GPAT2: variants seen among roughly 807,000 people sequenced by gnomAD.
GPAT2 encodes the protein glycerol-3-phosphate acyltransferase 2, mitochondrial, also known as 1-acylglycerol-3-phosphate O-acyltransferase GPAT2.
In GPAT2, 51 loss-of-function variants were observed where a neutral mutation model predicts 71.0. The ratio of observed to expected loss-of-function variants is 0.72; its 90% confidence interval spans 0.57 to 0.91. The LOEUF (loss-of-function observed/expected upper bound fraction) is 0.91, where lower values mean the gene tolerates loss of function less well. Ranked by LOEUF, GPAT2 falls within the 40% of genes least tolerant of loss-of-function variation. The probability of loss-of-function intolerance (pLI) is 0.00; values close to 1 mark genes in which losing one functional copy is unlikely to be tolerated. For synonymous variants in GPAT2, 222 were observed against 290.3 expected, an observed-to-expected ratio of 0.76 and a Z score of 2.39; for missense variants, 511 against 666.0, an observed-to-expected ratio of 0.77 and a Z score of 2.56.
Position 96,022,212 on chromosome 2 carries a change from G to C in GPAT2, c.2353C>G (p.Leu785Val), listed in dbSNP as rs748371559. 1.1e-5 allele frequency: 18 copies of C among 1,611,082 alleles called. No homozygotes were observed. The South Asian group carries it at 2.0e-4, about 18-fold the overall frequency. The change falls in exon 22 of 22, where the codon CTG becomes GTG. Residue 785 changes from leucine to valine, a missense_variant. Transcript: ENST00000434632. The part of the protein sequence containing the change: ...RLHLSPTFAS[L>V]DNQEKLEQFI... The stretch of plus-strand genomic sequence containing the variant: ...TGTTCTAGTTTTTCCTGATTGTCCA[G>C]GCTGGCAAAAGTAGGGGACAGGTGG...
In GPAT2 at chr2:96,023,291, C is replaced by A; in HGVS notation, c.2046+18G>T. 6.2e-7 allele frequency: 1 copy of A among 1,614,098 alleles called. No individual in the cohort carries two copies. The highest frequency in any genetic ancestry group is 8.5e-7 in the Non-Finnish European group (1 of 1,179,976). On this transcript the variant is annotated intron_variant, in intron 18 of 21. Coordinates refer to ENST00000434632, the MANE Select transcript of GPAT2 (RefSeq NM_001321527.2). Reference sequence around the variant, plus strand: ...CCTCCCTACCACCTCCCTCCAGGGGCAGCTTTTTGAAACACACCCTGAAGT... The same window carrying A: ...CCTCCCTACCACCTCCCTCCAGGGGAAGCTTTTTGAAACACACCCTGAAGT...
chr2:96,024,558 C>CGCAGCAGGCTCAGTGAGTGCT lies in GPAT2; in HGVS notation c.1535_1555dup (p.Gln512_Leu518dup). On this transcript the variant is annotated inframe_insertion, in exon 15 of 22. Transcript: ENST00000434632. The stretch of plus-strand genomic sequence containing the variant: ...GATGCGCAGCAGGGCCACGTGCGCC[C>CGCAGCAGGCTCAGTGAGTGCT]GCAGCAGGCTCAGTGAGTGCTGCAG... 1 of 1,613,946 alleles carries CGCAGCAGGCTCAGTGAGTGCT rather than the reference C, an allele frequency of 6.2e-7. No individual in the cohort carries two copies.
chr2:96,022,221 A>G lies in GPAT2; in HGVS notation c.2344T>C (p.Phe782Leu). 6.2e-7 allele frequency: 1 copy of G among 1,610,790 alleles called. No homozygotes were observed. Among genetic ancestry groups the G allele is most frequent in the South Asian group, 1.1e-5 (1 of 90,562 alleles). Residue 782 changes from phenylalanine to leucine, a missense_variant, in exon 22 of 22, where the codon TTT becomes CTT. Phe to Leu is a conservative substitution (Grantham distance 22, BLOSUM62 0). Coordinates refer to ENST00000434632, the MANE Select transcript of GPAT2 (RefSeq NM_001321527.2). ...AGPRLHLSPTFASLDNQEKLE... is the reference protein window; with the variant it reads ...AGPRLHLSPTLASLDNQEKLE... ...TTTTCCTGATTGTCCAGGCTGGCAA[A>G]AGTAGGGGACAGGTGGAGCCTGGGG...
chr2:96,022,768 G>A (rs1344277601), intron 20 of GPAT2, 45 bp from the exon 21 acceptor site: 1 of 1,613,874 alleles, frequency 6.2e-7, no homozygotes, highest in African/African-American at 1.3e-5. Flanking sequence ...GGAGAACAGA[G>A]AGCCACTGGG....
In GPAT2 at chr2:96,022,112, T is replaced by A. The variant is rs748279719; in HGVS notation, c.*47A>T. The A allele has an allele frequency of 2.8e-5, 45 of 1,599,320 alleles. No individual in the cohort carries two copies. The highest frequency in any genetic ancestry group is 3.5e-5 in the Non-Finnish European group (41 of 1,173,662). The stretch of plus-strand genomic sequence containing the variant: ...CCATCTTCTGGCTCTAGGACACAGC[T>A]GTGTTCTGGGGCTGAGAAGTCTCAG... On this transcript the variant is annotated 3_prime_UTR_variant, in exon 22 of 22. Transcript: ENST00000434632.
At chr2:96,025,838 G>A in intron 12 of GPAT2, 92 bp downstream of exon 12, 2 of 1,319,922 alleles carry the variant, frequency 1.5e-6, no homozygotes, top group Non-Finnish European at 2.2e-6. Context: ...GGTGAGGGAG[G>A]GCTGCTAGTG....
In GPAT2 at chr2:96,026,294, G is replaced by C. The variant is rs1680407430; in HGVS notation, c.1044C>G (p.Pro348=). The change falls in exon 11 of 22, where the codon CCC becomes CCG. Residue 348 remains proline, a synonymous_variant. Coordinates refer to ENST00000434632, the MANE Select transcript of GPAT2 (RefSeq NM_001321527.2). ...CCAGAGCTCCTGTCCACAGCCCCAG[G>C]GGGGCCGAGGCCTGCAAGGAGGGAA... ...APCDIDHASA[P]LGLWTGALAV... 6.5e-7 allele frequency: 1 copy of C among 1,550,046 alleles called. No individual in the cohort carries two copies. Among genetic ancestry groups the C allele is most frequent in the Non-Finnish European group, 8.7e-7 (1 of 1,152,448 alleles).
intron 20 of GPAT2, 56 bp from the exon 21 acceptor site, chr2:96,022,779 C>T: frequency 6.2e-7 from 1 of 1,613,974 alleles, no homozygotes; most frequent in Non-Finnish European, 8.5e-7. Context: ...AGCCACTGGG[C>T]ACAGGCTTCT....
rs1679882424 is a variant in GPAT2 at position 96,023,110 on chromosome 2, A to G, written c.2163T>C (p.Asp721=). 1.2e-6 allele frequency: 2 copies of G among 1,612,144 alleles called. No individual in the cohort carries two copies. Among genetic ancestry groups the G allele is most frequent in the Non-Finnish European group, 1.7e-6 (2 of 1,178,474 alleles). The stretch of plus-strand genomic sequence containing the variant: ...GCAAGGGAACAAGGGCCTCACCAGT[A>G]TCGGGCAGCTGGCCCTGGCGGAGGA... ...AAFLRQGQLP[D]TELGYTEQLF... is the part of the protein sequence containing the mutation. The change falls in exon 19 of 22, where the codon GAT becomes GAC. Residue 721 remains aspartate (D), a synonymous_variant. Transcript: ENST00000434632.
chr2:96,031,953 A>G, intron 3 of GPAT2, 80 bp downstream of exon 3: 1 of 1,427,792 alleles, frequency 7.0e-7, no homozygotes, highest in Non-Finnish European at 9.5e-7. Flanking sequence ...GCTTGCAGGG[A>G]CATAAAGGAA....
rs1016467251 is a variant in GPAT2 at position 96,024,818 on chromosome 2, C to T, written c.1383G>A (p.Met461Ile). ...LSASVGSSAV[M>I]STAIMATLLL... ...GCAGCGTTGCCATAATGGCCGTGCT[C>T]ATCACCGCAGAGCTCCCTACACTGG... The change falls in exon 14 of 22, where the codon ATG becomes ATA. Residue 461 changes from methionine (M) to isoleucine (I), a missense_variant. By Grantham distance (10) the Met-to-Ile change is conservative (BLOSUM62 1). Transcript: ENST00000434632. 7 of 1,613,574 alleles carry T rather than the reference C, an allele frequency of 4.3e-6. No individual in the cohort carries two copies. The highest frequency in any genetic ancestry group is 1.7e-5 in the Admixed American group (1 of 60,008).
Position 96,023,330 on chromosome 2 carries a change from C to T in GPAT2, c.2025G>A (p.Glu675=). 1 of 1,614,256 alleles carries T rather than the reference C, an allele frequency of 6.2e-7. No individual in the cohort carries two copies. ...FTDSDSDDFG[E]ADGRYFRLSQ... is the part of the protein sequence containing the mutation. ...ACACCCTGAAGTACCGGCCGTCAGC[C>T]TCTCCGAAGTCATCACTGTCACTAT... Residue 675 remains glutamate (E), a synonymous_variant, in exon 18 of 22, where the codon GAG becomes GAA. Transcript: ENST00000434632.
In GPAT2 at chr2:96,021,972, T is replaced by G. The variant is rs1679722542; in HGVS notation, c.*187A>C. On this transcript the variant is annotated 3_prime_UTR_variant, in exon 22 of 22. Transcript: ENST00000434632. ...GCTGCTGGGCTGGGGAAAAGACAAC[T>G]CGTCTCGTCCCCTTGTTTATCACAT... is the stretch of plus-strand genomic sequence containing the variant. 7.2e-7 allele frequency: 1 copy of G among 1,389,996 alleles called. No homozygotes were observed. The highest frequency in any genetic ancestry group is 1.5e-5 in the South Asian group (1 of 65,472). 86.1% of individuals were successfully genotyped at this position (1,389,996 alleles called of 1,614,324 possible).
intron 10 of GPAT2, 69 bp downstream of exon 10, chr2:96,026,628 A>G: frequency 7.1e-6 from 1 of 140,890 alleles, no homozygotes; most frequent in East Asian, 1.6e-4. Context: ...AGGACACAAT[A>G]TTGTGCCTCC....
At position 96,032,300 on chromosome 2, in the gene GPAT2, T is replaced by C; in HGVS notation, c.60A>G (p.Arg20=). The change falls in exon 2 of 22, where the codon CGA becomes CGG. Residue 20 remains arginine (R), a synonymous_variant. Transcript: ENST00000434632. ...QTQPRSSPSG[R]EASLWSSGFG... is the part of the protein sequence containing the mutation. The stretch of plus-strand genomic sequence containing the variant: ...GGAATGGGAGGAGCCACATTACCTC[T>C]CGGCCACTGGGGCTGCTCCTTGGCT... The C allele has an allele frequency of 6.6e-7, 1 of 1,520,600 alleles. No homozygotes were observed. Among genetic ancestry groups the C allele is most frequent in the South Asian group, 1.1e-5 (1 of 89,922 alleles). 94.2% of individuals were successfully genotyped at this position (1,520,600 alleles called of 1,614,324 possible).
rs770128869 is a variant in GPAT2, at chr2:96,022,240, C to G, written c.2325G>C (p.Arg775Ser). ...LQQTPSPAGPRLHLSPTFASL... is the reference protein window; with the variant it reads ...LQQTPSPAGPSLHLSPTFASL... ...TGGCAAAAGTAGGGGACAGGTGGAG[C>G]CTGGGGCCTGCAGGGCTCGGCGTCT... Residue 775 changes from arginine to serine, a missense_variant, in exon 22 of 22, where the codon AGG (arginine) becomes AGC (serine). By Grantham distance (110) the Arg-to-Ser change is moderately radical. This residue lies in a region of GPAT2 where 108 missense variants were observed against 117.6 expected (regional missense o/e 0.92). Coordinates refer to ENST00000434632, the MANE Select transcript of GPAT2 (RefSeq NM_001321527.2). 6.2e-7 allele frequency: 1 copy of G among 1,607,792 alleles called. No homozygotes were observed. The highest frequency in any genetic ancestry group is 1.1e-5 in the South Asian group (1 of 90,116).
chr2:96,024,736 C>G (rs369351124), intron 14 of GPAT2, 37 bp downstream of exon 14: 36 of 1,613,354 alleles, frequency 2.2e-5, no homozygotes, highest in African/African-American at 6.7e-5. Flanking sequence ...CGCCACCCCC[C>G]CCACCGCCCA....
At chr2:96,023,870 C>G (rs1418439147) in intron 17 of GPAT2, 53 bp downstream of exon 17, 5 of 1,545,002 alleles carry the variant, frequency 3.2e-6, no homozygotes, top group East Asian at 4.9e-5. Flanking sequence ...GGGTGGGAGG[C>G]TGGAGGAGGC....
chr2:96,023,017 C>T lies in GPAT2; in HGVS notation c.2174G>A (p.Gly725Asp), dbSNP rs965149876. The T allele has an allele frequency of 1.2e-6, 2 of 1,613,880 alleles. No individual in the cohort carries two copies. The highest frequency in any genetic ancestry group is 1.7e-6 in the Non-Finnish European group (2 of 1,179,874). ...RQGQLPDTEL[G>D]YTEQLFQFLQ... is the part of the protein sequence containing the mutation. ...GAACTGGAACAGCTGCTCTGTGTAG[C>T]CCAACTCTGCAGAAGAGAGAAGACC... Residue 725 changes from glycine (G) to aspartate (D), a missense_variant, in exon 20 of 22, where the codon GGC becomes GAC. Gly to Asp is a moderately conservative substitution (Grantham distance 94). Transcript: ENST00000434632.
Sources: gnomAD v4.1 joint callset for allele counts on GRCh38, gnomAD v4.1.1 for gene constraint, gnomAD v4.1.1 regional missense constraint, MANE v1.5 for transcripts, NCBI Gene and HGNC (gene_info 2026-07-23, HGNC 2026-07-21) for gene names.